Variants in HTR1D observed in about 807,000 individuals in gnomAD.
HTR1D encodes 5-HT-1D.
In HTR1D, 18 loss-of-function variants were observed where a neutral mutation model predicts 21.1. The observed-to-expected ratio is 0.85, with a 90% CI of 0.59 to 1.27. The LOEUF (loss-of-function observed/expected upper bound fraction) is 1.27, where lower values mean the gene tolerates loss of function less well. Ranked by LOEUF, HTR1D falls within the 50% of genes most tolerant of loss-of-function variation. The probability of loss-of-function intolerance (pLI) is 0.00; values close to 1 mark genes in which losing one functional copy is unlikely to be tolerated. For synonymous variants in HTR1D, 196 were observed against 204.4 expected (o/e 0.96, Z 0.35); for missense variants, 456 against 481.4 (o/e 0.95, Z 0.49).
intron 1 of HTR1D, among the ~76,000 whole-genome samples, chr1:23,202,441 C>A (rs1331331507): frequency 6.6e-6 from 1 of 152,152 alleles, no homozygotes; most frequent in African/African-American, 2.4e-5. Flanking sequence ...CTTACAAAAG[C>A]TTCCTATCCA....
intron 1 of HTR1D, among the ~76,000 whole-genome samples, chr1:23,211,998 T>C (rs947398956): frequency 1.3e-5 from 2 of 152,088 alleles, no homozygotes; most frequent in African/African-American, 2.4e-5. Context: ...TGTTTACCTA[T>C]CCAGACATCA....
At chr1:23,209,418 G>A (rs1281978478) in intron 1 of HTR1D, among the ~76,000 whole-genome samples, 2 of 150,674 alleles carry the variant, frequency 1.3e-5, no homozygotes, top group Non-Finnish European at 2.9e-5. Flanking sequence ...CTCAGTACAG[G>A]TGATATTACT....
chr1:23,199,337 A>C (rs984225724), intron 1 of HTR1D, among the ~76,000 whole-genome samples: 1 of 148,824 alleles, frequency 6.7e-6, no homozygotes, highest in Non-Finnish European at 1.5e-5. Context: ...CTTGTCTTCA[A>C]ACTCCTGGAC....
In HTR1D at chr1:23,193,931, C is replaced by T. The variant is rs41268111; in HGVS notation, c.289G>A (p.Ala97Thr). Residue 97 changes from alanine (A) to threonine (T), a missense_variant, in exon 2 of 2, where the codon GCC (alanine) becomes ACC (threonine). Physicochemically the swap from Ala to Thr is moderately conservative, Grantham distance 58. Coordinates refer to ENST00000374619, the MANE Select transcript of HTR1D (RefSeq NM_000864.5). ...VSILVMPISI[A>T]YTITHTWNFG... ...TTCCAGGTGTGGGTGATGGTATAGG[C>T]GATGCTGATGGGCATTACCAAGATG... 197 of 1,613,966 alleles carry T rather than the reference C, an allele frequency of 1.2e-4. No individual in the cohort carries two copies. Among genetic ancestry groups the T allele is most frequent in the Admixed American group, 3.0e-4 (18 of 59,984 alleles).
rs147271351 is a variant in HTR1D, at chr1:23,193,750, G to T, written c.470C>A (p.Thr157Asn). ...SKRRTAGHAA[T>N]MIAIVWAISI... ...GATGGCCCAGACAATGGCGATCATG[G>T]TGGCCGCGTGGCCAGCCGTCCTGCG... The change falls in exon 2 of 2, where the codon ACC becomes AAC. Residue 157 changes from threonine (T) to asparagine (N), a missense_variant. Thr to Asn is a moderately conservative substitution (Grantham distance 65). Transcript: ENST00000374619. 2.3e-5 allele frequency: 37 copies of T among 1,614,168 alleles called. No individual in the cohort carries two copies. In the African/African-American group the frequency reaches 4.8e-4, roughly 21 times the overall value.
chr1:23,197,163 G>T (rs575148389), intron 1 of HTR1D, among the ~76,000 whole-genome samples: 1 of 152,240 alleles, frequency 6.6e-6, no homozygotes, highest in Non-Finnish European at 1.5e-5. Flanking sequence ...AAAGGCTCAA[G>T]GGGCTGGTGT....
Position 23,192,952 on chromosome 1 carries a change from C to A in HTR1D, c.*134G>T, listed in dbSNP as rs894736108. 6.3e-6 allele frequency: 2 copies of A among 319,838 alleles called. No individual in the cohort carries two copies. The allele number at this position is 319,838 out of a possible 1,614,324, so 19.8% of individuals were successfully genotyped here. A position where few individuals can be genotyped will look rare whatever the true frequency, so the allele number is the denominator to read the frequency against. On this transcript the variant is annotated 3_prime_UTR_variant, in exon 2 of 2. Transcript: ENST00000374619. ...GTTAAGAAAACAACAGGAAAAAGAA[C>A]AATTCTGTTGATTGAACCAAGACTC...
Position 23,194,847 on chromosome 1 carries a change from G to A in HTR1D, c.-628C>T, listed in dbSNP as rs676643. The stretch of plus-strand genomic sequence containing the variant: ...TCCCAGGTTCATCTTGACGCATCCT[G>A]AGCTACTTAACTTCGGTTCCTATCC... On this transcript the variant is annotated 5_prime_UTR_variant, in exon 2 of 2. Transcript: ENST00000374619. 0.18 allele frequency: 27,140 copies of A among 152,544 alleles called. 2,499 individuals carry two copies. The highest frequency in any genetic ancestry group is 0.27 in the East Asian group (1,381 of 5,160). The allele number at this position is 152,544 out of a possible 1,614,324, so 9.4% of individuals were successfully genotyped here. A position where few individuals can be genotyped will look rare whatever the true frequency, so the allele number is the denominator to read the frequency against.
At position 23,193,015 on chromosome 1, in the gene HTR1D, T is replaced by TAAA. The variant is rs11415810; in HGVS notation, c.*68_*70dup. 79 of 820,270 alleles carry TAAA rather than the reference T, an allele frequency of 9.6e-5. No individual in the cohort carries two copies. Among genetic ancestry groups the TAAA allele is most frequent in the African/African-American group, 4.0e-4 (21 of 52,216 alleles). The allele number at this position is 820,270 out of a possible 1,614,324, so 50.8% of individuals were successfully genotyped here. A position where few individuals can be genotyped will look rare whatever the true frequency, so the allele number is the denominator to read the frequency against. ...ATTAATCCAAGTCTCAGAAAATAAT[T>TAAA]AAAAAAAAAAAAGACAATCCCGATG... On this transcript the variant is annotated 3_prime_UTR_variant, in exon 2 of 2. Coordinates refer to ENST00000374619, the MANE Select transcript of HTR1D (RefSeq NM_000864.5).
At position 23,211,839 on chromosome 1, in the gene HTR1D, T is replaced by A. The variant is rs190335918; in HGVS notation, c.-783+5452A>T. ...CATGCCTGGCAAATTTTAAAAAAAT[T>A]TTTTTATAGAGATGGGGTCTCCCTA... On this transcript the variant is annotated intron_variant, in intron 1 of 1. Coordinates refer to ENST00000374619, the MANE Select transcript of HTR1D (RefSeq NM_000864.5). Among the ~76,000 whole-genome samples the A allele has an allele frequency of 7.3e-3, 1,113 of 151,844 alleles. 12 individuals are homozygous for A. Among genetic ancestry groups the A allele is most frequent in the African/African-American group, 0.025 (1,033 of 41,370 alleles).
rs1157092154 is a variant in HTR1D at position 23,193,538 on chromosome 1, T to A, written c.682A>T (p.Ile228Phe). The change falls in exon 2 of 2, where the codon ATC (isoleucine) becomes TTC (phenylalanine). Residue 228 changes from isoleucine (I) to phenylalanine (F), a missense_variant. Ile to Phe is a conservative substitution (Grantham distance 21). Coordinates refer to ENST00000374619, the MANE Select transcript of HTR1D (RefSeq NM_000864.5). ...GRIYRAARNR[I>F]LNPPSLYGKR... ...CCATAGAGTGAGGGTGGATTCAGGA[T>A]GCGGTTCCGGGCAGCCCGGTAGATC... 1.2e-6 allele frequency: 2 copies of A among 1,613,928 alleles called. No individual in the cohort carries two copies. The highest frequency in any genetic ancestry group is 3.3e-5 in the Admixed American group (2 of 60,000).
intron 1 of HTR1D, among the ~76,000 whole-genome samples, chr1:23,209,100 A>G (rs1644743532): frequency 6.6e-6 from 1 of 151,178 alleles, no homozygotes; most frequent in Non-Finnish European, 1.5e-5. Context: ...GGTTCAAGCA[A>G]TTCTCCTGCC....
At chr1:23,207,756 C>CTT (rs1453635559) in intron 1 of HTR1D, among the ~76,000 whole-genome samples, 1 of 138,758 alleles carries the variant, frequency 7.2e-6, no homozygotes, top group African/African-American at 2.8e-5. Flanking sequence ...AAGGCAAGAG[C>CTT]CTCTTTTTTT....
chr1:23,216,451 A>C (rs1644773700), intron 1 of HTR1D, among the ~76,000 whole-genome samples: 1 of 117,946 alleles, frequency 8.5e-6, no homozygotes, highest in Non-Finnish European at 1.7e-5. Context: ...GTAGGTGGCC[A>C]AGGCCAGTTT....
At chr1:23,211,609 T>G (rs939899921) in intron 1 of HTR1D, among the ~76,000 whole-genome samples, 6 of 146,624 alleles carry the variant, frequency 4.1e-5, no homozygotes, top group Admixed American at 6.9e-5. Flanking sequence ...CAAATCCTTT[T>G]TATGTATGTA....
chr1:23,208,944 TGAAATG>T (rs1421665647), intron 1 of HTR1D, among the ~76,000 whole-genome samples: 1 of 151,936 alleles, frequency 6.6e-6, no homozygotes, highest in Non-Finnish European at 1.5e-5. Flanking sequence ...AGTTACATGT[TGAAATG>T]GTAATATTTT....
intron 1 of HTR1D, among the ~76,000 whole-genome samples, 36 bp from the exon 2 acceptor site, chr1:23,195,037 T>C (rs1016512608): frequency 6.6e-6 from 1 of 152,168 alleles, no homozygotes; most frequent in Non-Finnish European, 1.5e-5. Context: ...AGAGTTAGGT[T>C]CTAGAAGGAC....
Position 23,193,404 on chromosome 1 carries a change from G to A in HTR1D, c.816C>T (p.Leu272=), listed in dbSNP as rs1052563729. 2.0e-5 allele frequency: 32 copies of A among 1,614,104 alleles called. No homozygotes were observed. The highest frequency in any genetic ancestry group is 1.7e-4 in the Admixed American group (10 of 60,000). Residue 272 remains leucine, a synonymous_variant, in exon 2 of 2, where the codon CTC becomes CTT. Coordinates refer to ENST00000374619, the MANE Select transcript of HTR1D (RefSeq NM_000864.5). The part of the protein sequence containing the change: ...EGHSHSAGSP[L]FFNHVKIKLA... ...GCTTGATTTTCACGTGGTTGAAAAAGAGAGGGGAGCCAGCCGAGTGCGAGT... is the reference window on the plus strand; with the variant it reads ...GCTTGATTTTCACGTGGTTGAAAAAAAGAGGGGAGCCAGCCGAGTGCGAGT...
At chr1:23,200,600 C>T (rs1644705827) in intron 1 of HTR1D, among the ~76,000 whole-genome samples, 1 of 152,120 alleles carries the variant, frequency 6.6e-6, no homozygotes, top group Non-Finnish European at 1.5e-5. Context: ...TCTCAAATTC[C>T]TGGCCTCAAG....
Sources: allele counts gnomAD v4.1 joint callset (sites outside exome capture counted in the v4.1 genomes callset), GRCh38; gene constraint gnomAD v4.1.1; transcripts MANE v1.5; gene names NCBI Gene and HGNC (gene_info 2026-07-23, HGNC 2026-07-21).